The following DOCK9 variants were observed in gnomAD, a reference collection of about 807,000 sequenced individuals.
DOCK9 encodes the protein dedicator of cytokinesis 9, also known as dedicator of cytokinesis protein 9.
A neutral mutation model predicts 263.3 loss-of-function variants in DOCK9; 89 were observed. The ratio of observed to expected loss-of-function variants is 0.34; its 90% CI spans 0.28 to 0.40. The LOEUF (loss-of-function observed/expected upper bound fraction) is 0.40, where lower values mean the gene tolerates loss of function less well. Among genes scored for constraint, DOCK9 ranks in the 10% least tolerant of loss-of-function variants. The pLI is 1.00. For synonymous variants in DOCK9, 976 were observed against 973.1 expected (o/e 1.00, Z -0.06); for missense variants, 2,140 against 2,603.4 (o/e 0.82, Z 3.87).
At chr13:99,075,152 AAT>A (rs2142409010) in intron 1 of DOCK9, among the ~76,000 whole-genome samples, 2 of 152,230 alleles carry the variant, frequency 1.3e-5, no homozygotes, top group South Asian at 4.1e-4. Context: ...TAAATGATAA[AAT>A]AGACTAGTAT....
chr13:98,936,397 A>G (rs1439997569), intron 2 of DOCK9, among the ~76,000 whole-genome samples: 2 of 152,144 alleles, frequency 1.3e-5, no homozygotes, highest in African/African-American at 4.8e-5. Flanking sequence ...AGGTGGGAGG[A>G]CTGCTTGAGA....
chr13:98,931,806 C>T (rs1180778843), intron 2 of DOCK9, among the ~76,000 whole-genome samples: 1 of 151,068 alleles, frequency 6.6e-6, no homozygotes, highest in East Asian at 2.0e-4. Context: ...CCATGTTGCC[C>T]AGGCTGGTCT....
At chr13:99,041,955 G>C (rs1392128543) in intron 1 of DOCK9, among the ~76,000 whole-genome samples, 2 of 152,198 alleles carry the variant, frequency 1.3e-5, no homozygotes, top group Admixed American at 1.3e-4. Context: ...GCCCTGCCAG[G>C]CTTCAGACTT....
intron 49 of DOCK9, 145 bp from the exon 50 acceptor site, chr13:98,800,623 T>C (rs2090007867): frequency 5.5e-6 from 5 of 904,822 alleles, no homozygotes; most frequent in Non-Finnish European, 8.1e-6. Context: ...CAAAGACACA[T>C]ACTAGTACTT....
Position 98,831,514 on chromosome 13 carries a change from T to C in DOCK9, c.4469A>G (p.Tyr1490Cys). 1.9e-6 allele frequency: 3 copies of C among 1,587,032 alleles called. No individual in the cohort carries two copies. Among genetic ancestry groups the C allele is most frequent in the Non-Finnish European group, 2.6e-6 (3 of 1,166,108 alleles). The change falls in exon 41 of 53, where the codon TAT becomes TGT. Residue 1490 changes from tyrosine to cysteine, a missense_variant. This residue lies in a region of DOCK9 where 619 missense variants were observed against 861.8 expected (regional missense o/e 0.72). Transcript: ENST00000682017. ...CGCACACATGTCCGCTCTCCCTTCA[T>C]AGAATGTTGAGGGAAACTAGACAGG... is the stretch of plus-strand genomic sequence containing the variant. ...SLIYKFPSTFYEGRADMCAAL... is the reference protein window; with the variant it reads ...SLIYKFPSTFCEGRADMCAAL...
At chr13:98,951,781 C>A (rs1166429429) in intron 2 of DOCK9, among the ~76,000 whole-genome samples, 1 of 152,208 alleles carries the variant, frequency 6.6e-6, no homozygotes, top group African/African-American at 2.4e-5. Flanking sequence ...GGCAGAGATC[C>A]CCAAGCGACA....
chr13:99,027,507 C>G (rs1348637330), intron 1 of DOCK9, among the ~76,000 whole-genome samples: 1 of 152,156 alleles, frequency 6.6e-6, no homozygotes, highest in Non-Finnish European at 1.5e-5. Flanking sequence ...ACGCATTAAA[C>G]CACCAGAGGC....
upstream of DOCK9, among the ~76,000 whole-genome samples, chr13:99,087,547 C>T (rs2142539082): frequency 6.6e-6 from 1 of 152,266 alleles, no homozygotes; most frequent in South Asian, 2.1e-4. Flanking sequence ...TAGCGACAGC[C>T]ACCCTGTGAG....
intron 25 of DOCK9, 101 bp downstream of exon 25, chr13:98,881,457 A>C (rs988093703): frequency 1.1e-5 from 10 of 932,870 alleles, no homozygotes; most frequent in Non-Finnish European, 1.6e-5. Flanking sequence ...CATACGTTAC[A>C]AGCACATCCT....
At chr13:98,858,868 G>A (rs2093773599) in intron 33 of DOCK9, 1 of 152,158 alleles carries the variant, frequency 6.6e-6, no homozygotes, top group Non-Finnish European at 1.5e-5. Flanking sequence ...CTGAATTGGA[G>A]AAGAGTCAAA....
chr13:98,912,308 G>A (rs2050182930), intron 9 of DOCK9, among the ~76,000 whole-genome samples: 1 of 152,166 alleles, frequency 6.6e-6, no homozygotes, highest in Non-Finnish European at 1.5e-5. Context: ...AATAAAGAGG[G>A]TCTCAGGTAC....
chr13:99,039,135 A>G (rs1888224261), intron 1 of DOCK9, among the ~76,000 whole-genome samples: 1 of 152,264 alleles, frequency 6.6e-6, no homozygotes, highest in Non-Finnish European at 1.5e-5. Flanking sequence ...TTTTTAAGGC[A>G]CTATTCTAAA....
intron 1 of DOCK9, among the ~76,000 whole-genome samples, chr13:98,969,269 C>G (rs1432501993): frequency 6.6e-6 from 1 of 152,190 alleles, no homozygotes; most frequent in African/African-American, 2.4e-5. Flanking sequence ...TGTTCCTCTA[C>G]TTGCATCCCT....
At chr13:99,040,933 A>C (rs1221610100) in intron 1 of DOCK9, among the ~76,000 whole-genome samples, 1 of 152,198 alleles carries the variant, frequency 6.6e-6, no homozygotes, top group Non-Finnish European at 1.5e-5. Context: ...AAATATTTGA[A>C]GAGTTGGTTT....
chr13:99,005,503 T>G (rs1398388734), intron 1 of DOCK9, among the ~76,000 whole-genome samples: 1 of 152,226 alleles, frequency 6.6e-6, no homozygotes, highest in Non-Finnish European at 1.5e-5. Context: ...CTTAGGGTTT[T>G]CTTCCAATTG....
chr13:98,875,609 A>C (rs758883664), intron 27 of DOCK9, among the ~76,000 whole-genome samples: 1 of 152,248 alleles, frequency 6.6e-6, no homozygotes, highest in African/African-American at 2.4e-5. Flanking sequence ...CAGCTGCTAA[A>C]TATACATGGT....
intron 1 of DOCK9, among the ~76,000 whole-genome samples, chr13:99,016,527 T>G (rs190306224): frequency 5.3e-5 from 8 of 152,212 alleles, no homozygotes; most frequent in African/African-American, 1.9e-4. Context: ...GGGAAATACA[T>G]GCTGAGGTCT....
Position 98,902,333 on chromosome 13 carries a change from G to T in DOCK9, c.1335C>A (p.Val445=). ...CGGCTTCATGAAGGATGCCCTTGAG[G>T]ACAGATGGGCTCTGCCCACTGCCAT... is the stretch of plus-strand genomic sequence containing the variant. ...LMNGSGQSPS[V]LKGILHEAAM... Residue 445 remains valine, a synonymous_variant, in exon 12 of 53, where the codon GTC becomes GTA. Coordinates refer to ENST00000682017, the MANE Select transcript of DOCK9 (RefSeq NM_001366683.2). 1 of 1,613,980 alleles carries T rather than the reference G, an allele frequency of 6.2e-7. No homozygotes were observed. The highest frequency in any genetic ancestry group is 8.5e-7 in the Non-Finnish European group (1 of 1,179,884).
chr13:98,894,914 G>T (rs1179704896), intron 15 of DOCK9, among the ~76,000 whole-genome samples: 1 of 129,092 alleles, frequency 7.7e-6, no homozygotes, highest in African/African-American at 2.9e-5. Context: ...TTTGAGACCA[G>T]CCTGGGCAAG....
Sources: gnomAD v4.1 joint callset for allele counts (sites outside exome capture counted in the v4.1 genomes callset) on GRCh38, gnomAD v4.1.1 for gene constraint, gnomAD v4.1.1 regional missense constraint, MANE v1.5 for transcripts, NCBI Gene and HGNC (gene_info 2026-07-23, HGNC 2026-07-21) for gene names.